CACNA1E: variants seen among roughly 807,000 people sequenced by gnomAD.
CACNA1E encodes calcium voltage-gated channel subunit alpha1 E.
CACNA1E carries 40 observed loss-of-function variants against 259.2 expected under a neutral mutation model. That is an observed-to-expected ratio of 0.15 (90% CI 0.12 to 0.20). The LOEUF (loss-of-function observed/expected upper bound fraction) is 0.20. Among genes scored for constraint, CACNA1E ranks in the 10% least tolerant of loss-of-function variants. The probability of loss-of-function intolerance (pLI) is 1.00; values close to 1 mark genes in which losing one functional copy is unlikely to be tolerated. For missense variants in CACNA1E, 1,874 were observed against 3,040.1 expected (o/e 0.62, Z 9.02); for synonymous variants, 1,104 against 1,138.5 (o/e 0.97, Z 0.61).
chr1:181,583,934 G>A (rs12239392), intron 6 of CACNA1E, among the ~76,000 whole-genome samples: 18,600 of 151,968 alleles, frequency 0.12, 1,379 homozygotes, highest in South Asian at 0.22. Context: ...CTTATTTCTC[G>A]TAACCTGATA....
chr1:181,358,427 A>G (rs1030629702), intron 1 of CACNA1E, among the ~76,000 whole-genome samples: 3 of 152,232 alleles, frequency 2.0e-5, no homozygotes, highest in Admixed American at 6.5e-5. Flanking sequence ...ATTCTACTGT[A>G]TAAAGAGACA....
intron 7 of CACNA1E, among the ~76,000 whole-genome samples, chr1:181,699,955 G>C (rs2102368416): frequency 6.6e-6 from 1 of 152,270 alleles, no homozygotes; most frequent in Admixed American, 6.5e-5. Context: ...CAAGTTGACA[G>C]TTACATAACT....
Position 181,790,462 on chromosome 1 carries a change from A to G in CACNA1E, c.5804A>G (p.Tyr1935Cys). 1 of 1,611,204 alleles carries G rather than the reference A, an allele frequency of 6.2e-7. No homozygotes were observed. The highest frequency in any genetic ancestry group is 8.5e-7 in the Non-Finnish European group (1 of 1,177,548). The change falls in exon 44 of 48, where the codon TAC becomes TGC. Residue 1935 changes from tyrosine to cysteine, a missense_variant. By Grantham distance (194) the Tyr-to-Cys change is radical (BLOSUM62 -2). This residue lies in a region of CACNA1E where 542 missense variants were observed against 587.2 expected (regional missense o/e 0.92). Transcript: ENST00000367573. ...PVSGLSGRSG[Y>C]PSMSPLSPQD... ...CTTTTCAGGAGTGGCCGGAGTGGAT[A>G]CCCTTCGATGAGTCCACTCTCTCCC...
intron 2 of CACNA1E, among the ~76,000 whole-genome samples, chr1:181,461,071 C>T (rs1029466340): frequency 2.0e-5 from 3 of 152,148 alleles, no homozygotes; most frequent in Non-Finnish European, 4.4e-5. Context: ...TGGTAGACTT[C>T]CTTCTAGAGT....
intron 1 of CACNA1E, among the ~76,000 whole-genome samples, chr1:181,362,784 A>G (rs915426078): frequency 1.3e-5 from 2 of 152,186 alleles, no homozygotes; most frequent in Non-Finnish European, 2.9e-5. Flanking sequence ...AAACGGGGGA[A>G]CCGGAGCAAA....
rs530856058 is a variant in CACNA1E, at chr1:181,702,608, T to C, written c.1056-8346T>C. On this transcript the variant is annotated intron_variant, in intron 7 of 47. Coordinates refer to ENST00000367573, the MANE Select transcript of CACNA1E (RefSeq NM_001205293.3). Reference sequence around the variant, plus strand: ...TGCTACCACTCTGACCTTTTTTCCATGTATTCAGTCCACTCTAGTCACATT... The same window carrying C: ...TGCTACCACTCTGACCTTTTTTCCACGTATTCAGTCCACTCTAGTCACATT... Among the ~76,000 whole-genome samples the C allele has an allele frequency of 2.0e-5, 3 of 152,310 alleles. No homozygotes were observed. The East Asian group carries it at 5.8e-4, about 29-fold the overall frequency.
chr1:181,787,580 T>C (rs983337294), intron 43 of CACNA1E, among the ~76,000 whole-genome samples: 1 of 152,224 alleles, frequency 6.6e-6, no homozygotes, highest in Non-Finnish European at 1.5e-5. Context: ...AGAGCCAATA[T>C]GTCCCCAGAG....
At chr1:181,689,985 T>A (rs1027927004) in intron 7 of CACNA1E, among the ~76,000 whole-genome samples, 1 of 152,236 alleles carries the variant, frequency 6.6e-6, no homozygotes, top group Non-Finnish European at 1.5e-5. Context: ...TTTGATTAGA[T>A]CACGTTGGTC....
intron 1 of CACNA1E, among the ~76,000 whole-genome samples, chr1:181,412,626 G>A (rs1345662152): frequency 6.6e-6 from 1 of 152,040 alleles, no homozygotes; most frequent in Non-Finnish European, 1.5e-5. Flanking sequence ...TTGGGAGGCA[G>A]GGCAGCAGGT....
chr1:181,484,207 A>G (rs1297065142), intron 1 of CACNA1E, among the ~76,000 whole-genome samples, 197 bp downstream of exon 1: 1 of 152,030 alleles, frequency 6.6e-6, no homozygotes, highest in Non-Finnish European at 1.5e-5. Context: ...TTTTCAAGGT[A>G]AGACTTTTGG....
At position 181,717,205 on chromosome 1, in the gene CACNA1E, G is replaced by C. The variant is rs1291327415; in HGVS notation, c.1428G>C (p.Gln476His). ...CCATTCGCCACATGGTTAAATCCCA[G>C]GTGTTTTACTGGATTGTGCTGAGCC... ...RISIRHMVKSQVFYWIVLSLV... is the reference protein window; with the variant it reads ...RISIRHMVKSHVFYWIVLSLV... Residue 476 changes from glutamine (Q) to histidine (H), a missense_variant, in exon 11 of 48, where the codon CAG (glutamine) becomes CAC (histidine). Physicochemically the swap from Gln to His is conservative, Grantham distance 24. Transcript: ENST00000367573. 6.2e-7 allele frequency: 1 copy of C among 1,613,964 alleles called. No homozygotes were observed. Among genetic ancestry groups the C allele is most frequent in the Admixed American group, 1.7e-5 (1 of 60,024 alleles).
intron 1 of CACNA1E, among the ~76,000 whole-genome samples, chr1:181,329,550 C>T (rs1323951891): frequency 6.6e-6 from 1 of 152,164 alleles, no homozygotes; most frequent in Non-Finnish European, 1.5e-5. Flanking sequence ...TCACTGCAGG[C>T]CTTTGCACAT....
intron 22 of CACNA1E, among the ~76,000 whole-genome samples, 174 bp downstream of exon 22, chr1:181,736,608 G>A (rs1162072819): frequency 2.0e-5 from 3 of 152,178 alleles, no homozygotes; most frequent in Non-Finnish European, 4.4e-5. Context: ...AGGTGGGTTG[G>A]TAAGTTAGTC....
intron 1 of CACNA1E, among the ~76,000 whole-genome samples, chr1:181,384,680 A>C (rs1403652689): frequency 6.6e-6 from 1 of 151,896 alleles, no homozygotes; most frequent in Non-Finnish European, 1.5e-5. Flanking sequence ...TTCTCCTCCT[A>C]TCTTGGAAGG....
intron 1 of CACNA1E, among the ~76,000 whole-genome samples, chr1:181,505,640 C>G (rs893428927): frequency 6.6e-6 from 1 of 151,884 alleles, no homozygotes; most frequent in Non-Finnish European, 1.5e-5. Context: ...TCTGAAAGTG[C>G]TGGGATTACA....
chr1:181,455,203 G>T lies in CACNA1E; in HGVS notation c.435-28541G>T, dbSNP rs537515035. 1.4e-4 allele frequency among the ~76,000 whole-genome samples: 22 copies of T among 152,220 alleles called. No homozygotes were observed. In the East Asian group the frequency reaches 4.2e-3, roughly 29 times the overall value. ...AATAGAAAGTTGGCCACATTATATT[G>T]GTTTCTTTTGAAATTTGGCTCATCC... On this transcript the variant is annotated intron_variant, in intron 2 of 11. Transcript: ENST00000524607.
At chr1:181,648,978 C>T (rs895602084) in intron 6 of CACNA1E, among the ~76,000 whole-genome samples, 6 of 152,168 alleles carry the variant, frequency 3.9e-5, no homozygotes, top group Admixed American at 3.9e-4. Flanking sequence ...CAGAGCTAGC[C>T]AGCCTTACAG....
In CACNA1E at chr1:181,789,980, CTTAA is replaced by C. The variant is rs369521036; in HGVS notation, c.5787-462_5787-459del. Among the ~76,000 whole-genome samples the C allele has an allele frequency of 2.0e-4, 31 of 152,294 alleles. No individual in the cohort carries two copies. In the East Asian group the frequency reaches 5.2e-3, roughly 26 times the overall value. On this transcript the variant is annotated intron_variant, in intron 43 of 47. Transcript: ENST00000367573. ...TTCAATAAATGGCAATGGAATTGGA[CTTAA>C]TTGTTTAGTTTGGCCAGGGATGTTG...
rs1416337351 is a variant in CACNA1E, at chr1:181,717,291, C to T, written c.1514C>T (p.Thr505Ile). The T allele has an allele frequency of 6.2e-7, 1 of 1,613,034 alleles. No individual in the cohort carries two copies. The highest frequency in any genetic ancestry group is 8.5e-7 in the Non-Finnish European group (1 of 1,179,388). The change falls in exon 11 of 48, where the codon ACC becomes ATC. Residue 505 changes from threonine (T) to isoleucine (I), a missense_variant. Physicochemically the swap from Thr to Ile is moderately conservative, Grantham distance 89. This residue lies in a region of CACNA1E where 157 missense variants were observed against 203.5 expected (regional missense o/e 0.77). Coordinates refer to ENST00000367573, the MANE Select transcript of CACNA1E (RefSeq NM_001205293.3). ...CATCACAACCAGCCCCAGTGGCTCA[C>T]CCACCTCCTCTGTAAGTAAAGCCTC... is the stretch of plus-strand genomic sequence containing the variant. ...IVHHNQPQWL[T>I]HLLYYAEFLF...
Sources: allele counts gnomAD v4.1 joint callset (sites outside exome capture counted in the v4.1 genomes callset), GRCh38; gene constraint gnomAD v4.1.1; regional missense constraint gnomAD v4.1.1; transcripts MANE v1.5; gene names NCBI Gene and HGNC (gene_info 2026-07-23, HGNC 2026-07-21).